Variants in MAML2 observed in about 807,000 individuals in gnomAD.
MAML2 encodes mastermind like transcriptional coactivator 2.
MAML2 carries 22 observed loss-of-function variants against 96.1 expected under a neutral mutation model. The observed-to-expected ratio is 0.23, with a 90% CI of 0.16 to 0.33. The LOEUF is 0.33. Among genes scored for constraint, MAML2 ranks in the 10% least tolerant of loss-of-function variants. The pLI, the probability that MAML2 is intolerant of heterozygous loss-of-function variation, is 1.00. For missense variants in MAML2, 1,367 were observed against 1,392.4 expected (o/e 0.98, Z 0.29); for synonymous variants, 561 against 521.3 (o/e 1.08, Z -1.04).
chr11:96,137,293 A>G (rs1242665495), intron 1 of MAML2, among the ~76,000 whole-genome samples: 2 of 152,216 alleles, frequency 1.3e-5, no homozygotes, highest in Non-Finnish European at 2.9e-5. Context: ...AGAAATGAGG[A>G]GGCTTTAAAA....
chr11:96,120,898 T>A (rs1860327817), intron 1 of MAML2, among the ~76,000 whole-genome samples: 2 of 152,160 alleles, frequency 1.3e-5, no homozygotes, highest in African/African-American at 4.8e-5. Context: ...ATTACAAAGA[T>A]CCTCATGTTT....
At chr11:96,340,270 T>G (rs1252678441) in intron 1 of MAML2, among the ~76,000 whole-genome samples, 1 of 152,224 alleles carries the variant, frequency 6.6e-6, no homozygotes, top group Non-Finnish European at 1.5e-5. Flanking sequence ...TTTGAGTACT[T>G]TGGGGCTTGC....
intron 1 of MAML2, among the ~76,000 whole-genome samples, chr11:96,108,617 C>T (rs1178930968): frequency 6.6e-6 from 1 of 152,190 alleles, no homozygotes; most frequent in East Asian, 1.9e-4. Flanking sequence ...CTGCTTAAAG[C>T]AGTTTCTGAC....
chr11:96,011,249 A>C (rs1471130149), intron 2 of MAML2, among the ~76,000 whole-genome samples: 1 of 152,202 alleles, frequency 6.6e-6, no homozygotes, highest in Non-Finnish European at 1.5e-5. Flanking sequence ...AAGTCATTCT[A>C]CCAAAAAGCC....
intron 1 of MAML2, among the ~76,000 whole-genome samples, chr11:96,296,045 C>T (rs1215716487): frequency 6.6e-6 from 1 of 151,704 alleles, no homozygotes; most frequent in Non-Finnish European, 1.5e-5. Context: ...CATTCTATTT[C>T]ATTTTTTAAA....
intron 2 of MAML2, among the ~76,000 whole-genome samples, chr11:96,069,791 G>A (rs1015435607): frequency 3.3e-5 from 5 of 152,162 alleles, no homozygotes; most frequent in South Asian, 2.1e-4. Context: ...TTGGGAGGCC[G>A]AGGCGGGCGG....
chr11:96,339,878 G>A (rs527319741), intron 1 of MAML2, among the ~76,000 whole-genome samples: 12 of 152,254 alleles, frequency 7.9e-5, no homozygotes, highest in African/African-American at 2.2e-4. Context: ...AGGGAGAAGC[G>A]GGAATAGAGC....
At chr11:96,306,481 A>T (rs1165539800) in intron 1 of MAML2, among the ~76,000 whole-genome samples, 1 of 152,170 alleles carries the variant, frequency 6.6e-6, no homozygotes, top group African/African-American at 2.4e-5. Flanking sequence ...AAGCTCCAGA[A>T]TTTTCCTTTA....
At chr11:96,233,639 T>C (rs1862327531) in intron 1 of MAML2, among the ~76,000 whole-genome samples, 1 of 152,094 alleles carries the variant, frequency 6.6e-6, no homozygotes, top group Non-Finnish European at 1.5e-5. Flanking sequence ...AAACTCCTAG[T>C]TTCAAGCTAT....
At chr11:96,011,002 A>G (rs1858257190) in intron 2 of MAML2, among the ~76,000 whole-genome samples, 1 of 152,194 alleles carries the variant, frequency 6.6e-6, no homozygotes, top group Non-Finnish European at 1.5e-5. Context: ...TTGCAGTAAA[A>G]TATTCAAAAA....
chr11:96,234,504 C>CACAT (rs1180968082), intron 1 of MAML2, among the ~76,000 whole-genome samples: 3 of 152,212 alleles, frequency 2.0e-5, no homozygotes, highest in African/African-American at 7.2e-5. Flanking sequence ...AATAAATAAA[C>CACAT]ACATACATAC....
rs569952031 is a variant in MAML2, at chr11:96,102,817, T to A, written c.514-9300A>T. Among the ~76,000 whole-genome samples, 46 of 152,336 alleles carry A rather than the reference T, an allele frequency of 3.0e-4. No homozygotes were observed. In the South Asian group the frequency reaches 7.3e-3, roughly 24 times the overall value. ...TTTGTGTTTAACAGAGAAATGCACA[T>A]AATATTCTGTAAAAGCCTGAAAAAT... On this transcript the variant is annotated intron_variant, in intron 1 of 4. Coordinates refer to ENST00000524717, the MANE Select transcript of MAML2 (RefSeq NM_032427.4).
intron 1 of MAML2, among the ~76,000 whole-genome samples, chr11:96,111,508 C>T (rs1860123565): frequency 6.6e-6 from 1 of 152,196 alleles, no homozygotes; most frequent in Non-Finnish European, 1.5e-5. Context: ...GTTTGGAATT[C>T]ACCTGAATTT....
chr11:96,112,067 G>A (rs1413503306), intron 1 of MAML2, among the ~76,000 whole-genome samples: 1 of 152,140 alleles, frequency 6.6e-6, no homozygotes, highest in Non-Finnish European at 1.5e-5. Flanking sequence ...GAAGGCCAGA[G>A]AGAAACATCA....
chr11:96,330,910 C>T (rs1305145777), intron 1 of MAML2, among the ~76,000 whole-genome samples: 1 of 152,032 alleles, frequency 6.6e-6, no homozygotes, highest in Non-Finnish European at 1.5e-5. Context: ...TTTTTTGATG[C>T]CAGGAGTGGC....
At chr11:96,339,211 A>T (rs1863957136) in intron 1 of MAML2, among the ~76,000 whole-genome samples, 1 of 152,202 alleles carries the variant, frequency 6.6e-6, no homozygotes, top group Admixed American at 6.5e-5. Flanking sequence ...TGGTGGTTAG[A>T]AGAGAGAAAG....
At chr11:96,302,388 G>C (rs867487110) in intron 1 of MAML2, among the ~76,000 whole-genome samples, 40 of 152,170 alleles carry the variant, frequency 2.6e-4, no homozygotes, top group African/African-American at 9.7e-4. Context: ...ATTCTTCTCT[G>C]TGTGCAGTAT....
chr11:96,043,203 T>C (rs943192659), intron 2 of MAML2, among the ~76,000 whole-genome samples: 2 of 152,240 alleles, frequency 1.3e-5, no homozygotes, highest in Non-Finnish European at 2.9e-5. Context: ...GATATCATTT[T>C]ACAAACAGGA....
chr11:96,118,422 A>G (rs1454543428), intron 1 of MAML2, among the ~76,000 whole-genome samples: 1 of 152,198 alleles, frequency 6.6e-6, no homozygotes, highest in African/African-American at 2.4e-5. Flanking sequence ...TTCTACTGCC[A>G]TGAAAGACGT....
Sources: gnomAD v4.1 joint callset for allele counts (sites outside exome capture counted in the v4.1 genomes callset) on GRCh38, gnomAD v4.1.1 for gene constraint, MANE v1.5 for transcripts, NCBI Gene and HGNC (gene_info 2026-07-23, HGNC 2026-07-21) for gene names.